CLASP2: variants seen among roughly 807,000 people sequenced by gnomAD.
CLASP2 encodes CLIP-associating protein 2.
In CLASP2, 47 loss-of-function variants were observed where a neutral mutation model predicts 194.4. The ratio of observed to expected loss-of-function variants is 0.24; its 90% CI spans 0.19 to 0.31. CLASP2 has a LOEUF of 0.31. Among genes scored for constraint, CLASP2 ranks in the 10% least tolerant of loss-of-function variants. The pLI, the probability that CLASP2 is intolerant of heterozygous loss-of-function variation, is 1.00. For missense variants in CLASP2, 1,445 were observed against 1,823.6 expected (o/e 0.79, Z 3.78); for synonymous variants, 619 against 633.5 (o/e 0.98, Z 0.34).
chr3:33,684,460 T>C lies in CLASP2; in HGVS notation c.547-4A>G. 1 of 1,563,488 alleles carries C rather than the reference T, an allele frequency of 6.4e-7. No individual in the cohort carries two copies. The highest frequency in any genetic ancestry group is 8.7e-7 in the Non-Finnish European group (1 of 1,149,970). On this transcript the variant is annotated splice_polypyrimidine_tract_variant and splice_region_variant and intron_variant, in intron 5 of 38. Coordinates refer to ENST00000682230, the MANE Select transcript of CLASP2 (RefSeq NM_001365631.1). Reference sequence around the variant, plus strand: ...CCAATATTGCAGCATCTCTCACCTGTCAAAGAATTCAGAACTTTTTAATAA... The same window carrying C: ...CCAATATTGCAGCATCTCTCACCTGCCAAAGAATTCAGAACTTTTTAATAA...
chr3:33,510,570 T>A lies in CLASP2; in HGVS notation c.4305A>T (p.Pro1435=), dbSNP rs371775145. The change falls in exon 37 of 39, where the codon CCA becomes CCT. Residue 1435 remains proline (P), a synonymous_variant. Transcript: ENST00000682230. The part of the protein sequence containing the change: ...TLNLLLPEIM[P]GLIQGYDNSE... ...CTTTGTTGCTTACCTGTATTAGACC[T>A]GGCATAATCTCTGGCAAAAGCAGGT... The A allele has an allele frequency of 3.7e-6, 6 of 1,613,884 alleles. No homozygotes were observed. In the East Asian group the frequency reaches 1.3e-4, roughly 36 times the overall value.
rs367547049 is a variant in CLASP2 at position 33,630,666 on chromosome 3, G to C, written c.942+1626C>G. ...GCTTATGAAAAAGATGTTTCCAAGG[G>C]AACAATGGAAGGTGTGGAACACCTT... On this transcript the variant is annotated intron_variant, in intron 9 of 38. Transcript: ENST00000682230. 1.7e-3 allele frequency among the ~76,000 whole-genome samples: 252 copies of C among 152,276 alleles called. 10 individuals are homozygous for C. The South Asian group carries it at 0.05, about 30-fold the overall frequency.
intron 11 of CLASP2, among the ~76,000 whole-genome samples, chr3:33,620,116 T>G (rs2076868116): frequency 6.6e-6 from 1 of 152,256 alleles, no homozygotes; most frequent in African/African-American, 2.4e-5. Flanking sequence ...ATTATCAATC[T>G]TAAATTCAGC....
Position 33,670,801 on chromosome 3 carries a change from C to A in CLASP2, c.645-7286G>T, listed in dbSNP as rs536447497. On this transcript the variant is annotated intron_variant, in intron 6 of 38. Coordinates refer to ENST00000682230, the MANE Select transcript of CLASP2 (RefSeq NM_001365631.1). ...CATGGTGGTGCAGAGGGAGATCACA[C>A]TTTTTGAGTTTTACCTCCAGGAGTT... Among the ~76,000 whole-genome samples, 16 of 152,284 alleles carry A rather than the reference C, an allele frequency of 1.1e-4. No homozygotes were observed. In the South Asian group the frequency reaches 3.1e-3, roughly 30 times the overall value.
intron 8 of CLASP2, among the ~76,000 whole-genome samples, chr3:33,641,878 A>G (rs2081366422): frequency 6.6e-6 from 1 of 151,896 alleles, no homozygotes; most frequent in Non-Finnish European, 1.5e-5. Context: ...AGCTAATCAC[A>G]TCTATCTATT....
intron 30 of CLASP2, among the ~76,000 whole-genome samples, chr3:33,550,535 A>C (rs1285175748): frequency 2.0e-5 from 3 of 152,068 alleles, no homozygotes; most frequent in African/African-American, 7.2e-5. Context: ...AAAACAACAG[A>C]ATGTCTAAGA....
intron 23 of CLASP2, among the ~76,000 whole-genome samples, chr3:33,579,171 A>T (rs2154206292): frequency 6.6e-6 from 1 of 152,334 alleles, no homozygotes; most frequent in Non-Finnish European, 1.5e-5. Context: ...TTCTTCTAAA[A>T]CTATGACTAA....
intron 34 of CLASP2, among the ~76,000 whole-genome samples, chr3:33,527,597 A>G (rs1179659418): frequency 6.6e-6 from 1 of 152,096 alleles, no homozygotes; most frequent in East Asian, 1.9e-4. Context: ...AGGAGGAAAG[A>G]CTCCTTCACA....
At chr3:33,701,813 A>G (rs2092394696) in intron 1 of CLASP2, among the ~76,000 whole-genome samples, 1 of 152,270 alleles carries the variant, frequency 6.6e-6, no homozygotes, top group South Asian at 2.1e-4. Flanking sequence ...TACAAAAATC[A>G]ACTCAAAAAT....
At chr3:33,605,768 G>A (rs1199628728) in intron 16 of CLASP2, among the ~76,000 whole-genome samples, 3 of 152,020 alleles carry the variant, frequency 2.0e-5, no homozygotes, top group Non-Finnish European at 2.9e-5. Context: ...ACAGGCACCC[G>A]CCACCATGCC....
chr3:33,662,585 A>G (rs1471853422), intron 7 of CLASP2, among the ~76,000 whole-genome samples: 1 of 152,200 alleles, frequency 6.6e-6, no homozygotes, highest in African/African-American at 2.4e-5. Context: ...ACACATCCTC[A>G]GTCTTGGTTT....
chr3:33,659,884 T>C lies in CLASP2; in HGVS notation c.715+3561A>G, dbSNP rs150206032. 1.4e-3 allele frequency among the ~76,000 whole-genome samples: 206 copies of C among 152,332 alleles called. 1 individual carries two copies. The highest frequency in any genetic ancestry group is 4.6e-3 in the African/African-American group (193 of 41,578). ...TTCACCAAAGGGTATGTTATAAAAA[T>C]ATACAAAACTAGACTGGAAGTTATC... On this transcript the variant is annotated intron_variant, in intron 7 of 38. Coordinates refer to ENST00000682230, the MANE Select transcript of CLASP2 (RefSeq NM_001365631.1).
At chr3:33,659,408 C>CT in intron 7 of CLASP2, 1 of 1,014,298 alleles carries the variant, frequency 9.9e-7, no homozygotes, top group Non-Finnish European at 1.2e-6. Flanking sequence ...TCATTTTCTG[C>CT]TTCCCTAAAG....
At chr3:33,509,740 C>T (rs2049241350) in intron 37 of CLASP2, among the ~76,000 whole-genome samples, 1 of 152,080 alleles carries the variant, frequency 6.6e-6, no homozygotes, top group Non-Finnish European at 1.5e-5. Flanking sequence ...GGAAAGAGTT[C>T]ACAATGTATG....
chr3:33,573,301 G>A lies in CLASP2; in HGVS notation c.2508C>T (p.Asp836=), dbSNP rs768143688. 8.1e-6 allele frequency: 13 copies of A among 1,613,612 alleles called. No homozygotes were observed. The highest frequency in any genetic ancestry group is 3.3e-5 in the Admixed American group (2 of 60,002). The stretch of plus-strand genomic sequence containing the variant: ...AAGCACTAGATGCATCGCTGTTGGC[G>A]TCATCATCTGAATGCATTCCATATG... ...YESYGMHSDD[D]ANSDASSACS... Residue 836 remains aspartate (D), a synonymous_variant, in exon 25 of 39, where the codon GAC becomes GAT. Coordinates refer to ENST00000682230, the MANE Select transcript of CLASP2 (RefSeq NM_001365631.1).
chr3:33,653,835 C>T (rs890145927), intron 7 of CLASP2, among the ~76,000 whole-genome samples: 2 of 151,904 alleles, frequency 1.3e-5, no homozygotes, highest in Non-Finnish European at 2.9e-5. Context: ...GTCTGAAATG[C>T]TTCATTAAAA....
At chr3:33,590,084 A>T (rs573930426) in intron 21 of CLASP2, among the ~76,000 whole-genome samples, 2 of 152,262 alleles carry the variant, frequency 1.3e-5, no homozygotes, top group Admixed American at 6.5e-5. Flanking sequence ...AGTATTTAAA[A>T]TTTTTTTAAA....
chr3:33,669,598 A>T (rs1013498626), intron 6 of CLASP2, among the ~76,000 whole-genome samples: 2 of 151,992 alleles, frequency 1.3e-5, no homozygotes, highest in Non-Finnish European at 2.9e-5. Context: ...AAAAAAAAAA[A>T]TTGGCAAGAG....
At chr3:33,673,477 A>G (rs1575482926) in intron 6 of CLASP2, among the ~76,000 whole-genome samples, 1 of 152,204 alleles carries the variant, frequency 6.6e-6, no homozygotes, top group African/African-American at 2.4e-5. Context: ...AGTACCAGCC[A>G]CTGCAAAATC....
Sources: allele counts gnomAD v4.1 joint callset (sites outside exome capture counted in the v4.1 genomes callset), GRCh38; gene constraint gnomAD v4.1.1; transcripts MANE v1.5; gene names NCBI Gene and HGNC (gene_info 2026-07-23, HGNC 2026-07-21).